Variants in DRC8 observed in about 807,000 individuals in gnomAD.
DRC8 encodes dynein regulatory complex subunit 8.
At chr1:245,032,954 G>A in the DRC8 span, among the ~76,000 whole-genome samples, 9 of 151,406 alleles carry the variant, frequency 5.9e-5, no homozygotes, top group Non-Finnish European at 1.2e-4. Context: ...TTGGGAGTTC[G>A]AGACCAGCCT....
the DRC8 span, among the ~76,000 whole-genome samples, chr1:245,003,164 A>G: frequency 6.6e-6 from 1 of 152,318 alleles, no homozygotes; most frequent in Non-Finnish European, 1.5e-5. Context: ...TTGTATGTGT[A>G]TGCCGCATTT....
At chr1:245,057,681 T>C in the DRC8 span, among the ~76,000 whole-genome samples, 1 of 152,092 alleles carries the variant, frequency 6.6e-6, no homozygotes, top group Non-Finnish European at 1.5e-5. Flanking sequence ...ATATCATGGT[T>C]GTACATATTT....
chr1:244,992,829 C>T, the DRC8 span, among the ~76,000 whole-genome samples: 1 of 152,188 alleles, frequency 6.6e-6, no homozygotes, highest in African/African-American at 2.4e-5. Context: ...ACCAATTACT[C>T]CCAAATCTAG....
the DRC8 span, among the ~76,000 whole-genome samples, chr1:245,026,632 C>T: frequency 6.6e-6 from 1 of 152,092 alleles, no homozygotes; most frequent in African/African-American, 2.4e-5. Flanking sequence ...TCCACACACC[C>T]CTCAATAAGA....
the DRC8 span, among the ~76,000 whole-genome samples, chr1:245,101,775 T>C: frequency 6.6e-6 from 1 of 152,222 alleles, no homozygotes; most frequent in Non-Finnish European, 1.5e-5. Flanking sequence ...TTTAGTATTA[T>C]AATAAAGTCA....
chr1:245,069,597 T>C, the DRC8 span, among the ~76,000 whole-genome samples: 1 of 152,024 alleles, frequency 6.6e-6, no homozygotes, highest in Non-Finnish European at 1.5e-5. Context: ...AAACAGAAAA[T>C]AGAGCAGTAG....
chr1:245,092,100 A>G, the DRC8 span, among the ~76,000 whole-genome samples: 1 of 152,146 alleles, frequency 6.6e-6, no homozygotes, highest in African/African-American at 2.4e-5. Flanking sequence ...TCCCAGCTTC[A>G]TGTGTGACTC....
At chr1:245,039,488 A>AAAAG in the DRC8 span, among the ~76,000 whole-genome samples, 1 of 147,670 alleles carries the variant, frequency 6.8e-6, no homozygotes, top group African/African-American at 2.5e-5. Flanking sequence ...AAAAAAAAAA[A>AAAAG]AGAGTTTGTG....
At chr1:245,017,419 T>C in the DRC8 span, 1 of 1,243,312 alleles carries the variant, frequency 8.0e-7, no homozygotes, top group Non-Finnish European at 1.1e-6. Flanking sequence ...ACACTGTACC[T>C]TGGATTTATT....
the DRC8 span, among the ~76,000 whole-genome samples, chr1:245,081,426 T>G: frequency 2.0e-5 from 3 of 152,122 alleles, no homozygotes; most frequent in East Asian, 1.9e-4. Context: ...CTCCCAAAGT[T>G]CTGGGATTAC....
the DRC8 span, among the ~76,000 whole-genome samples, chr1:245,119,919 C>T: frequency 1.8e-4 from 27 of 150,824 alleles, no homozygotes; most frequent in East Asian, 1.2e-3. Flanking sequence ...GGCAACAGAG[C>T]GAGACCCCGT....
chr1:245,042,573 A>T, the DRC8 span, among the ~76,000 whole-genome samples: 4 of 152,234 alleles, frequency 2.6e-5, no homozygotes, highest in African/African-American at 4.8e-5. Flanking sequence ...TGTTCTGTAA[A>T]CGATACCAGC....
At chr1:245,086,445 T>G in the DRC8 span, among the ~76,000 whole-genome samples, 1 of 152,182 alleles carries the variant, frequency 6.6e-6, no homozygotes, top group Non-Finnish European at 1.5e-5. Context: ...ACTTGCACAT[T>G]CATCCTAATA....
At chr1:245,057,027 CA>C in the DRC8 span, among the ~76,000 whole-genome samples, 1 of 151,756 alleles carries the variant, frequency 6.6e-6, no homozygotes, top group Admixed American at 6.6e-5. Context: ...CTCACCCTTC[CA>C]AAAAAAGGGA....
the DRC8 span, among the ~76,000 whole-genome samples, chr1:245,000,148 G>A: frequency 2.6e-5 from 4 of 152,226 alleles, no homozygotes; most frequent in African/African-American, 9.6e-5. Flanking sequence ...ATGAGGCACA[G>A]CAAGAGCTGA....
At chr1:245,115,216 T>C in the DRC8 span, among the ~76,000 whole-genome samples, 1 of 151,902 alleles carries the variant, frequency 6.6e-6, no homozygotes, top group African/African-American at 2.4e-5. Flanking sequence ...CCTGGCTAAT[T>C]TTTGTATTTT....
At chr1:245,009,028 CTTTTTTTT>C in the DRC8 span, among the ~76,000 whole-genome samples, 132 of 64,436 alleles carry the variant, frequency 2.0e-3, no homozygotes, top group African/African-American at 7.8e-3. Flanking sequence ...TTATGCTTTT[CTTTTTTTT>C]TTTTTTTTTT....
the DRC8 span, among the ~76,000 whole-genome samples, chr1:245,035,521 C>T: frequency 6.6e-6 from 1 of 152,098 alleles, no homozygotes; most frequent in East Asian, 1.9e-4. Context: ...TATCCACATG[C>T]AAATGAATGA....
chr1:245,114,291 T>C, the DRC8 span, among the ~76,000 whole-genome samples: 1 of 152,012 alleles, frequency 6.6e-6, no homozygotes, highest in Admixed American at 6.6e-5. Flanking sequence ...GGTGAAACCC[T>C]GTTTCTGCTA....
Sources: gnomAD v4.1 joint callset for allele counts (sites outside exome capture counted in the v4.1 genomes callset) on GRCh38, gnomAD v4.1.1 for gene constraint, MANE v1.5 for transcripts, NCBI Gene and HGNC (gene_info 2026-07-23, HGNC 2026-07-21) for gene names.